PCDH11X: variants seen among roughly 807,000 people sequenced by gnomAD.
The protein encoded by PCDH11X is protocadherin-11 X-linked.
Under a neutral mutation model 53.3 loss-of-function variants are expected in PCDH11X, and 18 were observed. That is an observed-to-expected ratio of 0.34 (90% CI 0.23 to 0.50). PCDH11X has a LOEUF of 0.50. Ranked by LOEUF, PCDH11X falls within the 20% of genes least tolerant of loss-of-function variation. The probability of loss-of-function intolerance (pLI) is 0.98; values close to 1 mark genes in which losing one functional copy is unlikely to be tolerated. For synonymous variants in PCDH11X, 279 were observed against 393.3 expected, an observed-to-expected ratio of 0.71 and a Z score of 3.44; for missense variants, 570 against 1,032.4, an observed-to-expected ratio of 0.55 and a Z score of 6.14.
At chrX:92,388,664 G>C (rs898902985) in intron 9 of PCDH11X, among the ~76,000 whole-genome samples, 1 of 110,813 alleles carries the variant, frequency 9.0e-6, no homozygotes, top group Non-Finnish European at 1.9e-5. Flanking sequence ...TCTTGAAATT[G>C]CAAGAAGCTA....
At chrX:91,813,956 CT>C (rs1213154334) in intron 4 of PCDH11X, among the ~76,000 whole-genome samples, 2 of 103,488 alleles carry the variant, frequency 1.9e-5, no homozygotes, top group Non-Finnish European at 4.0e-5. Context: ...TTTTAATTAT[CT>C]TTTTTATTTT....
At chrX:92,230,409 A>AAT (rs1299311611) in intron 7 of PCDH11X, among the ~76,000 whole-genome samples, 1 of 82,904 alleles carries the variant, frequency 1.2e-5, no homozygotes, top group Admixed American at 1.8e-4. Flanking sequence ...AATGTCTATG[A>AAT]ATATATATAT....
chrX:91,931,622 A>T (rs2061385566), intron 6 of PCDH11X, among the ~76,000 whole-genome samples: 1 of 110,085 alleles, frequency 9.1e-6, no homozygotes, highest in African/African-American at 3.3e-5. Flanking sequence ...CTTATTTAAA[A>T]ACTTCTAGAT....
intron 6 of PCDH11X, among the ~76,000 whole-genome samples, chrX:92,053,609 C>T (rs1167741130): frequency 3.8e-5 from 4 of 104,330 alleles, no homozygotes; most frequent in Non-Finnish European, 5.8e-5. Context: ...CTTGCTCTGT[C>T]ACCCAGGCTG....
chrX:92,099,805 T>C lies in PCDH11X; in HGVS notation c.3034-101570T>C, dbSNP rs377050366. 8.1e-5 allele frequency among the ~76,000 whole-genome samples: 9 copies of C among 111,087 alleles called. No homozygotes were observed. In the South Asian group the frequency reaches 3.4e-3, roughly 42 times the overall value. On this transcript the variant is annotated intron_variant, in intron 6 of 10. Coordinates refer to ENST00000682573, the MANE Select transcript of PCDH11X (RefSeq NM_032968.5). Reference sequence around the variant, plus strand: ...TCTGCTTGTATTTATATGCTAAAAATTGTTGGGGAAAATTACTCCTTTTGG... The same window carrying C: ...TCTGCTTGTATTTATATGCTAAAAACTGTTGGGGAAAATTACTCCTTTTGG...
At position 91,788,052 on chromosome X, in the gene PCDH11X, G is replaced by A. The variant is rs186218006; in HGVS notation, c.-379+8368G>A. ...AGATATGAGTGCTACAGGAGTTCAT[G>A]TAAGGTATTGGGTGATAGCATGAAT... On this transcript the variant is annotated intron_variant, in intron 1 of 10. Transcript: ENST00000682573. 1.2e-3 allele frequency among the ~76,000 whole-genome samples: 138 copies of A among 111,678 alleles called. 1 individual carries two copies. Among genetic ancestry groups the A allele is most frequent in the African/African-American group, 4.4e-3 (134 of 30,732 alleles).
intron 10 of PCDH11X, among the ~76,000 whole-genome samples, chrX:92,509,681 G>C (rs1039924433): frequency 4.5e-5 from 5 of 111,494 alleles, no homozygotes; most frequent in African/African-American, 1.6e-4. Flanking sequence ...GTGGGGAAAC[G>C]TGAGGATAAG....
rs186123611 is a variant in PCDH11X, at chrX:91,808,945, A to G, written c.-378-521A>G. Among the ~76,000 whole-genome samples the G allele has an allele frequency of 5.6e-4, 61 of 107,975 alleles. 1 individual carries two copies. Among genetic ancestry groups the G allele is most frequent in the African/African-American group, 1.9e-3 (55 of 29,053 alleles). 93.8% of individuals were successfully genotyped at this position (107,975 alleles called of 115,157 possible). Reference sequence around the variant, plus strand: ...TTTATCTTTAGTAAAATTATAATTAACGTATAAGGTTTGTTTAATGGCTAC... The same window carrying G: ...TTTATCTTTAGTAAAATTATAATTAGCGTATAAGGTTTGTTTAATGGCTAC... On this transcript the variant is annotated intron_variant, in intron 1 of 10. Coordinates refer to ENST00000682573, the MANE Select transcript of PCDH11X (RefSeq NM_032968.5).
intron 6 of PCDH11X, among the ~76,000 whole-genome samples, chrX:91,971,546 C>T (rs1181907187): frequency 9.0e-6 from 1 of 111,017 alleles, no homozygotes; most frequent in African/African-American, 3.3e-5. Context: ...ATCATGAGAG[C>T]TTTACCTCTA....
In PCDH11X at chrX:92,131,851, C is replaced by A. The variant is rs769330296; in HGVS notation, c.3034-69524C>A. Among the ~76,000 whole-genome samples the A allele has an allele frequency of 4.6e-5, 5 of 108,622 alleles. No homozygotes were observed. In the Admixed American group the frequency reaches 5.0e-4, roughly 11 times the overall value. The allele number at this position is 108,622 out of a possible 115,157, so 94.3% of individuals were successfully genotyped here. On this transcript the variant is annotated intron_variant, in intron 6 of 10. Transcript: ENST00000682573. ...GACCCCCAATAAAATCCTAAATGGG[C>A]CTTGTTAAGAATTCCTTTGTTATTT...
chrX:92,307,056 A>G (rs1367714535), intron 8 of PCDH11X, among the ~76,000 whole-genome samples: 4 of 109,702 alleles, frequency 3.6e-5, no homozygotes, highest in East Asian at 2.9e-4. Flanking sequence ...GTTAACATCA[A>G]TCCCCTTCAA....
chrX:91,917,624 G>T (rs1430678185), intron 6 of PCDH11X, among the ~76,000 whole-genome samples: 10 of 84,670 alleles, frequency 1.2e-4, no homozygotes, highest in African/African-American at 4.3e-4. Context: ...TAACCAAGGA[G>T]GTCAAAGATC....
chrX:92,077,185 G>C (rs1433688759), intron 6 of PCDH11X, among the ~76,000 whole-genome samples: 1 of 111,306 alleles, frequency 9.0e-6, no homozygotes, highest in Admixed American at 9.6e-5. Context: ...TGAGGACAAA[G>C]AGGTAAGCCA....
At chrX:92,464,922 C>A (rs1312175596) in intron 9 of PCDH11X, among the ~76,000 whole-genome samples, 10 of 111,598 alleles carry the variant, frequency 9.0e-5, no homozygotes, top group Non-Finnish European at 1.7e-4. Flanking sequence ...TATCCTGTGA[C>A]CTGCAGTATA....
At chrX:92,188,973 A>G (rs993458139) in intron 6 of PCDH11X, among the ~76,000 whole-genome samples, 10 of 111,792 alleles carry the variant, frequency 8.9e-5, no homozygotes, top group Non-Finnish European at 1.5e-4. Flanking sequence ...AAAGCCATAA[A>G]TGTAAGCAAA....
At chrX:92,189,821 T>G (rs1206922843) in intron 6 of PCDH11X, among the ~76,000 whole-genome samples, 1 of 112,241 alleles carries the variant, frequency 8.9e-6, no homozygotes, top group Non-Finnish European at 1.9e-5. Context: ...ATAAGTGATG[T>G]TGAGCTTTTT....
chrX:92,360,248 A>G (rs1013224515), intron 8 of PCDH11X, among the ~76,000 whole-genome samples: 3 of 111,141 alleles, frequency 2.7e-5, no homozygotes, highest in Non-Finnish European at 5.7e-5. Flanking sequence ...CTTTGTATAC[A>G]GTGCTTTATA....
At chrX:92,105,736 A>G (rs1273808684) in intron 6 of PCDH11X, among the ~76,000 whole-genome samples, 4 of 109,270 alleles carry the variant, frequency 3.7e-5, no homozygotes, top group African/African-American at 3.3e-5. Context: ...TTCACAAGGT[A>G]ATGTCATCAG....
intron 1 of PCDH11X, among the ~76,000 whole-genome samples, chrX:91,791,466 G>T (rs1481919391): frequency 1.9e-5 from 2 of 107,298 alleles, no homozygotes; most frequent in African/African-American, 3.4e-5. Context: ...ACCAGAACTC[G>T]TGAGAACTCA....
Sources: gnomAD v4.1 joint callset for allele counts (sites outside exome capture counted in the v4.1 genomes callset) on GRCh38, gnomAD v4.1.1 for gene constraint, MANE v1.5 for transcripts, NCBI Gene and HGNC (gene_info 2026-07-23, HGNC 2026-07-21) for gene names.